The following TDRD1 variants were observed in gnomAD, a reference collection of about 807,000 sequenced individuals.
TDRD1 encodes tudor domain containing 1.
In TDRD1, 37 loss-of-function variants were observed where a neutral mutation model predicts 140.6. That is an observed-to-expected ratio of 0.26 (90% confidence interval 0.20 to 0.35). The LOEUF is 0.35. TDRD1 is among the 10% of genes least tolerant of loss of function. The pLI is 1.00. For synonymous variants in TDRD1, 506 were observed against 475.7 expected, an observed-to-expected ratio of 1.06 and a Z score of -0.83; for missense variants, 1,243 against 1,393.0, an observed-to-expected ratio of 0.89 and a Z score of 1.71.
intron 18 of TDRD1, 85 bp from the exon 19 acceptor site, chr10:114,220,483 T>C: frequency 1.1e-6 from 1 of 896,630 alleles, no homozygotes; most frequent in Non-Finnish European, 1.8e-6. Flanking sequence ...AAAGTAAACT[T>C]GGCAAAGACC....
intron 12 of TDRD1, 42 bp from the exon 13 acceptor site, chr10:114,210,818 G>A (rs1265699662): frequency 6.2e-6 from 10 of 1,612,534 alleles, no homozygotes; most frequent in Non-Finnish European, 8.5e-6. Context: ...TAGAAATAAT[G>A]TATAGATACG....
intron 4 of TDRD1, among the ~76,000 whole-genome samples, chr10:114,200,906 A>G (rs1393053974): frequency 8.4e-6 from 1 of 119,442 alleles, no homozygotes; most frequent in African/African-American, 3.4e-5. Context: ...CAGGCTGTGG[A>G]GTGCAGTGGT....
chr10:114,202,596 A>G (rs1183172476), intron 6 of TDRD1, among the ~76,000 whole-genome samples: 1 of 152,178 alleles, frequency 6.6e-6, no homozygotes, highest in African/African-American at 2.4e-5. Flanking sequence ...CTATCTAAGG[A>G]GGATTTTTTT....
In TDRD1 at chr10:114,183,177, TTGAC is replaced by T. The variant is rs139648547; in HGVS notation, c.-7+3762_-7+3765del. Reference sequence around the variant, plus strand: ...AGGGTATTGAGGCGCTGACTGTAGATTGACAGCCAGCATGAGTTACTAAGTAAGG... The same window carrying T: ...AGGGTATTGAGGCGCTGACTGTAGATAGCCAGCATGAGTTACTAAGTAAGG... On this transcript the variant is annotated intron_variant, in intron 1 of 25. Coordinates refer to ENST00000251864, the Ensembl canonical transcript of TDRD1. Among the ~76,000 whole-genome samples, 792 of 152,270 alleles carry T rather than the reference TTGAC, an allele frequency of 5.2e-3. 8 individuals carry two copies. The highest frequency in any genetic ancestry group is 0.018 in the African/African-American group (741 of 41,546).
intron 11 of TDRD1, 29 bp from the exon 12 acceptor site, chr10:114,210,551 TG>T: frequency 6.5e-7 from 1 of 1,537,218 alleles, no homozygotes; most frequent in Non-Finnish European, 8.8e-7. Flanking sequence ...GAAAACAAAA[TG>T]GCTTATTTTT....
chr10:114,188,087 T>C, exon 2 of TDRD1: 1 of 1,613,186 alleles, frequency 6.2e-7, no homozygotes, highest in Non-Finnish European at 8.5e-7. Context: ...CAATTCAGTT[T>C]CTTCAAACCC....
chr10:114,204,892 A>G, exon 10 of TDRD1: 1 of 1,574,890 alleles, frequency 6.3e-7, no homozygotes, highest in Non-Finnish European at 8.6e-7. Flanking sequence ...TGCCAAATTC[A>G]GGTAAGATCT....
At chr10:114,227,366 T>G in intron 23 of TDRD1, 67 bp downstream of exon 23, 1 of 1,151,478 alleles carries the variant, frequency 8.7e-7, no homozygotes, top group East Asian at 2.4e-5. Context: ...TCAATTTAGT[T>G]GACTTGACCT....
chr10:114,218,039 A>G lies in TDRD1; in HGVS notation c.2324-375A>G, dbSNP rs141783096. On this transcript the variant is annotated intron_variant, in intron 17 of 25. Transcript: ENST00000251864. ...TTTTTTACTATTTACTACTTAAATTATTTTACCACATAACAAGTAAAATAA... is the reference window on the plus strand; with the variant it reads ...TTTTTTACTATTTACTACTTAAATTGTTTTACCACATAACAAGTAAAATAA... Among the ~76,000 whole-genome samples the G allele has an allele frequency of 3.5e-3, 538 of 152,306 alleles. 5 individuals carry two copies. The highest frequency in any genetic ancestry group is 0.012 in the African/African-American group (514 of 41,568).
Position 114,210,447 on chromosome 10 carries a change from C to A in TDRD1, c.1385-134C>A. 7.4e-6 allele frequency: 6 copies of A among 813,958 alleles called. No homozygotes were observed. In the South Asian group the frequency reaches 9.6e-5, roughly 13 times the overall value. 50.4% of individuals were successfully genotyped at this position (813,958 alleles called of 1,614,324 possible). The stretch of plus-strand genomic sequence containing the variant: ...TTACTGGGAAGAAGAAACACCATGA[C>A]CTCTCAGACTGCCATCTTCCAGGAA... On this transcript the variant is annotated intron_variant, in intron 11 of 25. Transcript: ENST00000251864.
intron 18 of TDRD1, among the ~76,000 whole-genome samples, chr10:114,219,587 AT>A (rs11327196): frequency 0.17 from 23,441 of 134,972 alleles, 1,576 homozygotes; most frequent in Admixed American, 0.21. Context: ...TCTTTTTTTA[AT>A]TTTTTTTTTT....
chr10:114,213,264 A>T, intron 14 of TDRD1, 82 bp from the exon 15 acceptor site: 1 of 1,360,108 alleles, frequency 7.4e-7, no homozygotes, highest in Non-Finnish European at 1.0e-6. Context: ...AGGTTTCTTA[A>T]GTTTACCTTG....
rs2035990651 is a variant in TDRD1 at position 114,219,196 on chromosome 10, T to C, written c.2494+612T>C. Among the ~76,000 whole-genome samples the C allele has an allele frequency of 3.9e-5, 6 of 152,080 alleles. No homozygotes were observed. The South Asian group carries it at 1.0e-3, about 26-fold the overall frequency. On this transcript the variant is annotated intron_variant, in intron 18 of 25. Coordinates refer to ENST00000251864, the Ensembl canonical transcript of TDRD1. Reference sequence around the variant, plus strand: ...GTGAAGAAAACAGGTTATAAAAGAGTGTTGTGATAAAGACAATAGACGTCA... The same window carrying C: ...GTGAAGAAAACAGGTTATAAAAGAGCGTTGTGATAAAGACAATAGACGTCA...
In TDRD1 at chr10:114,213,470, T is replaced by A. The variant is rs201646677; in HGVS notation, c.1956T>A (p.Leu652=). 9.3e-6 allele frequency: 15 copies of A among 1,614,016 alleles called. No homozygotes were observed. The East Asian group carries it at 3.3e-4, about 36-fold the overall frequency. ...TGGAAAACAGTTCCCTGGTGGAGCT[T>A]ATTGATAAATCCGAGACGCCTCATG... The change falls in exon 15 of 26, where the codon CTT becomes CTA. Residue 652 remains leucine (L), a synonymous_variant. Coordinates refer to ENST00000251864, the Ensembl canonical transcript of TDRD1.
chr10:114,232,504 CTTTTTT>C (rs140805425), downstream of TDRD1, among the ~76,000 whole-genome samples: 44 of 81,670 alleles, frequency 5.4e-4, no homozygotes, highest in Middle Eastern at 0.01. Context: ...ACTTGAAAGA[CTTTTTT>C]TTTTTTTTTT....
At chr10:114,179,022 C>T (rs890986311), upstream of TDRD1, among the ~76,000 whole-genome samples, 3 of 152,186 alleles carry the variant, frequency 2.0e-5, no homozygotes, top group East Asian at 3.8e-4. Flanking sequence ...ATTTGGAAAA[C>T]CTTGGAAGAC....
rs774367914 is a variant in TDRD1, at chr10:114,204,707, C to A, written c.1126-15C>A. 1 of 1,562,296 alleles carries A rather than the reference C, an allele frequency of 6.4e-7. No individual in the cohort carries two copies. Among genetic ancestry groups the A allele is most frequent in the African/African-American group, 1.4e-5 (1 of 71,796 alleles). On this transcript the variant is annotated splice_polypyrimidine_tract_variant and intron_variant, in intron 9 of 25. Transcript: ENST00000251864. ...AATGGTAATTTTTGTAAGTAACCTG[C>A]GTAAAATTTTTCAGGCCATAAAGTG...
chr10:114,219,412 T>C lies in TDRD1; in HGVS notation c.2494+828T>C, dbSNP rs371348830. Reference sequence around the variant, plus strand: ...ATTATAAAAACTTTATAATAGAATATATAAGAGAATGTGTGTATATGTGTG... The same window carrying C: ...ATTATAAAAACTTTATAATAGAATACATAAGAGAATGTGTGTATATGTGTG... On this transcript the variant is annotated intron_variant, in intron 18 of 25. Transcript: ENST00000251864. Among the ~76,000 whole-genome samples, 31 of 152,238 alleles carry C rather than the reference T, an allele frequency of 2.0e-4. No individual in the cohort carries two copies. In the East Asian group the frequency reaches 6.0e-3, roughly 29 times the overall value.
At chr10:114,190,860 T>C in intron 2 of TDRD1, 101 bp from the exon 3 acceptor site, 1 of 1,113,382 alleles carries the variant, frequency 9.0e-7, no homozygotes, top group Non-Finnish European at 1.4e-6. Flanking sequence ...CATTGTGGTA[T>C]AGCCCTGTTA....
Sources: gnomAD v4.1 joint callset for allele counts (sites outside exome capture counted in the v4.1 genomes callset) on GRCh38, gnomAD v4.1.1 for gene constraint, MANE v1.5 for transcripts, NCBI Gene and HGNC (gene_info 2026-07-23, HGNC 2026-07-21) for gene names.